Variants in PCDHA2 observed in about 807,000 individuals in gnomAD.
PCDHA2 encodes the protein protocadherin alpha-2.
A neutral mutation model predicts 66.0 loss-of-function variants in PCDHA2; 58 were observed. The observed-to-expected ratio is 0.88, with a 90% CI of 0.71 to 1.09. The LOEUF (loss-of-function observed/expected upper bound fraction) is 1.09, where lower values mean the gene tolerates loss of function less well. PCDHA2 is among the 50% of genes least tolerant of loss of function. The pLI, the probability that PCDHA2 is intolerant of heterozygous loss-of-function variation, is 0.00. For missense variants in PCDHA2, 1,267 were observed against 1,242.3 expected (o/e 1.02, Z -0.30); for synonymous variants, 634 against 554.0 (o/e 1.14, Z -2.03).
intron 1 of PCDHA2, among the ~76,000 whole-genome samples, chr5:140,960,222 A>G (rs1364451029): frequency 2.6e-5 from 4 of 152,206 alleles, no homozygotes; most frequent in African/African-American, 9.6e-5. Flanking sequence ...ATCTCAAGAA[A>G]CAGAGCCATG....
At chr5:140,906,162 G>A (rs1421474866) in intron 1 of PCDHA2, among the ~76,000 whole-genome samples, 1 of 152,064 alleles carries the variant, frequency 6.6e-6, no homozygotes, top group Non-Finnish European at 1.5e-5. Flanking sequence ...GACACACCCA[G>A]GAACAATACT....
At chr5:140,941,202 CCTTTCTTT>C (rs797023184) in intron 1 of PCDHA2, among the ~76,000 whole-genome samples, 5 of 122,740 alleles carry the variant, frequency 4.1e-5, no homozygotes, top group Non-Finnish European at 9.0e-5. Context: ...TTTCTTTCTT[CCTTTCTTT>C]CTTCCTTTCT....
At chr5:140,948,253 A>C (rs782144804) in intron 1 of PCDHA2, among the ~76,000 whole-genome samples, 14 of 151,624 alleles carry the variant, frequency 9.2e-5, no homozygotes, top group Admixed American at 2.6e-4. Flanking sequence ...ATATTTTTAC[A>C]TCTGTGTTCA....
chr5:140,897,178 CA>C (rs1414076017), intron 1 of PCDHA2, among the ~76,000 whole-genome samples: 4 of 151,978 alleles, frequency 2.6e-5, no homozygotes, highest in South Asian at 2.1e-4. Context: ...TCCATGGGTT[CA>C]AAAAATATAT....
chr5:140,851,284 A>G, intron 1 of PCDHA2: 1 of 1,040,350 alleles, frequency 9.6e-7, no homozygotes, highest in East Asian at 5.3e-5. Context: ...TTTATAAGAA[A>G]CCCAAGCAAA....
chr5:140,967,121 C>T, intron 1 of PCDHA2: 1 of 1,612,916 alleles, frequency 6.2e-7, no homozygotes, highest in East Asian at 2.2e-5. Flanking sequence ...TCGCTGCCTG[C>T]TCAGCTTGGA....
rs1554119891 is a variant in PCDHA2, at chr5:140,796,420, G to A, written c.1456G>A (p.Glu486Lys). 6.2e-7 allele frequency: 1 copy of A among 1,613,886 alleles called. No homozygotes were observed. Among genetic ancestry groups the A allele is most frequent in the South Asian group, 1.1e-5 (1 of 91,072 alleles). The change falls in exon 1 of 4, where the codon GAG (glutamate) becomes AAG (lysine). Residue 486 changes from glutamate (E) to lysine (K), a missense_variant. Coordinates refer to ENST00000526136, the MANE Select transcript of PCDHA2 (RefSeq NM_018905.3). ...GTCAGCGTGGGATGCGGACGCGCAG[G>A]AGAACGCGCTGGTGTCCTACTCGCT... ...TVSAWDADAQ[E>K]NALVSYSLVE...
chr5:140,803,389 A>G, intron 1 of PCDHA2: 1 of 1,614,230 alleles, frequency 6.2e-7, no homozygotes, highest in Non-Finnish European at 8.5e-7. Flanking sequence ...ACCGAAGGCG[A>G]CTGTGGGCCG....
At chr5:140,843,313 G>T (rs1554139942) in intron 1 of PCDHA2, 3 of 1,595,962 alleles carry the variant, frequency 1.9e-6, no homozygotes, top group Admixed American at 1.7e-5. Context: ...CCACGGCCAC[G>T]GTTCTGGTGT....
At chr5:140,902,257 C>T (rs1450183542) in intron 1 of PCDHA2, among the ~76,000 whole-genome samples, 2 of 140,176 alleles carry the variant, frequency 1.4e-5, no homozygotes, top group South Asian at 2.2e-4. Context: ...AGGCTGGTCT[C>T]GAACTCCTGG....
intron 1 of PCDHA2, among the ~76,000 whole-genome samples, chr5:140,921,145 T>G (rs2080047732): frequency 4.1e-5 from 1 of 24,298 alleles, no homozygotes; most frequent in Admixed American, 5.4e-4. Flanking sequence ...TACACCCAGC[T>G]AATGCATTTT....
Position 140,858,553 on chromosome 5 carries a change from G to A in PCDHA2, c.2388+61201G>A, listed in dbSNP as rs782150802. 10 of 1,392,490 alleles carry A rather than the reference G, an allele frequency of 7.2e-6. 2 individuals are homozygous for A. In the South Asian group the frequency reaches 1.1e-4, roughly 16 times the overall value. The allele number at this position is 1,392,490 out of a possible 1,614,324, so 86.3% of individuals were successfully genotyped here. ...TTTTGTCTACATTCCATTTATGCTT[G>A]AATATTTCTAGTGATACCTTTGTAA... On this transcript the variant is annotated intron_variant, in intron 1 of 3. Coordinates refer to ENST00000526136, the MANE Select transcript of PCDHA2 (RefSeq NM_018905.3).
chr5:140,802,609 G>A, intron 1 of PCDHA2: 1 of 1,613,972 alleles, frequency 6.2e-7, no homozygotes, highest in Non-Finnish European at 8.5e-7. Flanking sequence ...AACCCGCCGG[G>A]CTGCCACATC....
At chr5:140,888,959 A>G (rs1554183707) in intron 1 of PCDHA2, among the ~76,000 whole-genome samples, 1 of 152,024 alleles carries the variant, frequency 6.6e-6, no homozygotes, top group African/African-American at 2.4e-5. Flanking sequence ...TTCTTTGGCA[A>G]TGTTAATGTG....
At chr5:140,854,069 A>G (rs1432539790) in intron 1 of PCDHA2, 1 of 273,288 alleles carries the variant, frequency 3.7e-6, no homozygotes, top group Non-Finnish European at 5.6e-6. Context: ...GGCTGAGGCG[A>G]GAGAATCGCT....
At chr5:140,868,969 T>G (rs986271383) in intron 1 of PCDHA2, 1 of 1,450,578 alleles carries the variant, frequency 6.9e-7, no homozygotes, top group South Asian at 1.4e-5. Flanking sequence ...ACAAAGGAAC[T>G]CCATCATACC....
chr5:140,967,012 G>C (rs1554229065), intron 1 of PCDHA2: 1 of 1,606,656 alleles, frequency 6.2e-7, no homozygotes, highest in African/African-American at 1.3e-5. Flanking sequence ...TCAACCATCT[G>C]GGTGCGCCCA....
At chr5:141,009,568 G>A in intron 3 of PCDHA2, 59 bp from the exon 4 acceptor site, 4 of 1,577,106 alleles carry the variant, frequency 2.5e-6, no homozygotes, top group Non-Finnish European at 3.4e-6. Context: ...TCTACCAGCA[G>A]TGTGGCATCA....
Position 140,797,347 on chromosome 5 carries a change from G to T in PCDHA2, c.2383G>T (p.Gly795Ter). 2 of 1,613,800 alleles carry T rather than the reference G, an allele frequency of 1.2e-6. No individual in the cohort carries two copies. Among genetic ancestry groups the T allele is most frequent in the East Asian group, 4.5e-5 (2 of 44,878 alleles). ...ACAGCTCTCAGAATCAGAATACGTAGGAAAGGTGAGTCTTTTACTTTTTCT... is the reference window on the plus strand; with the variant it reads ...ACAGCTCTCAGAATCAGAATACGTATGAAAGGTGAGTCTTTTACTTTTTCT... ...EKQLSESEYV[G>*]KPRQPNPDWR... The change falls in exon 1 of 4, where the codon GGA becomes TGA. Residue 795 changes from glycine (G) to a stop codon, truncating the protein, a stop_gained. Coordinates refer to ENST00000526136, the MANE Select transcript of PCDHA2 (RefSeq NM_018905.3). LOFTEE classifies it high-confidence loss of function.
Sources: allele counts gnomAD v4.1 joint callset (sites outside exome capture counted in the v4.1 genomes callset), GRCh38; gene constraint gnomAD v4.1.1; transcripts MANE v1.5; gene names NCBI Gene and HGNC (gene_info 2026-07-23, HGNC 2026-07-21).